Variants in TMOD1 observed in about 807,000 individuals in gnomAD.
The protein encoded by TMOD1 is tropomodulin-1.
In TMOD1, 17 loss-of-function variants were observed where a neutral mutation model predicts 40.6. That is an observed-to-expected ratio of 0.42 (90% CI 0.29 to 0.63). The LOEUF (loss-of-function observed/expected upper bound fraction) is 0.63. Among genes scored for constraint, TMOD1 ranks in the 20% least tolerant of loss-of-function variants. The pLI, the probability that TMOD1 is intolerant of heterozygous loss-of-function variation, is 0.22. For missense variants in TMOD1, 391 were observed against 447.6 expected (o/e 0.87, Z 1.14); for synonymous variants, 181 against 175.0 (o/e 1.03, Z -0.27).
chr9:97,522,983 G>A (rs990202898), intron 1 of TMOD1, among the ~76,000 whole-genome samples: 20 of 152,184 alleles, frequency 1.3e-4, no homozygotes, highest in African/African-American at 3.1e-4. Flanking sequence ...CTAGCTCAGC[G>A]GAGGCAGTGT....
intron 8 of TMOD1, among the ~76,000 whole-genome samples, chr9:97,577,033 A>C (rs539462923): frequency 6.6e-6 from 1 of 151,954 alleles, no homozygotes; most frequent in East Asian, 1.9e-4. Flanking sequence ...ATATCATATG[A>C]ATTGTTAATA....
At position 97,515,797 on chromosome 9, in the gene TMOD1, C is replaced by T. The variant is rs143456643; in HGVS notation, c.-48-8344C>T. On this transcript the variant is annotated intron_variant, in intron 1 of 9. Coordinates refer to ENST00000259365, the MANE Select transcript of TMOD1 (RefSeq NM_003275.4). ...CATTGGTGACTGAGAGAGCTCAGCC[C>T]TCTCAGTTCAGCTCTCTCCCTCTCC... Among the ~76,000 whole-genome samples the T allele has an allele frequency of 2.8e-3, 419 of 152,178 alleles. 1 individual carries two copies. Among genetic ancestry groups the T allele is most frequent in the African/African-American group, 9.5e-3 (396 of 41,506 alleles).
At chr9:97,523,116 C>A (rs994551130) in intron 1 of TMOD1, among the ~76,000 whole-genome samples, 14 of 152,024 alleles carry the variant, frequency 9.2e-5, no homozygotes, top group Admixed American at 6.5e-4. Flanking sequence ...CCAAGAAGAT[C>A]TTCAAGGTAT....
At chr9:97,523,696 G>A (rs779466605) in intron 1 of TMOD1, among the ~76,000 whole-genome samples, 5 of 151,670 alleles carry the variant, frequency 3.3e-5, no homozygotes, top group Non-Finnish European at 4.4e-5. Flanking sequence ...TAGGTGAGGG[G>A]CCTGTATGCA....
In TMOD1 at chr9:97,565,845, C is replaced by T; in HGVS notation, c.619-3C>T. The T allele has an allele frequency of 2.5e-6, 4 of 1,612,804 alleles. No individual in the cohort carries two copies. Among genetic ancestry groups the T allele is most frequent in the South Asian group, 2.2e-5 (2 of 90,992 alleles). ...ACTCTCTCTGTTGCCTTTCTTTGTG[C>T]AGAATATCCCCATCCCCACCCTCAA... is the stretch of plus-strand genomic sequence containing the variant. On this transcript the variant is annotated splice_polypyrimidine_tract_variant and splice_region_variant and intron_variant, in intron 6 of 9. Coordinates refer to ENST00000259365, the MANE Select transcript of TMOD1 (RefSeq NM_003275.4).
intron 1 of TMOD1, among the ~76,000 whole-genome samples, chr9:97,522,346 A>G (rs553328565): frequency 1.3e-5 from 2 of 152,220 alleles, no homozygotes; most frequent in South Asian, 2.1e-4. Flanking sequence ...AGTGTGCTAT[A>G]TCTGTGTCCA....
At chr9:97,569,474 C>A (rs1479281312) in intron 8 of TMOD1, among the ~76,000 whole-genome samples, 1 of 152,206 alleles carries the variant, frequency 6.6e-6, no homozygotes, top group Non-Finnish European at 1.5e-5. Context: ...TCTTCATTCA[C>A]CCCCATTCAA....
rs140698746 is a variant in TMOD1 at position 97,562,203 on chromosome 9, T to G, written c.398-529T>G. Among the ~76,000 whole-genome samples, 235 of 152,198 alleles carry G rather than the reference T, an allele frequency of 1.5e-3. 2 individuals carry two copies. Among genetic ancestry groups the G allele is most frequent in the African/African-American group, 5.6e-3 (233 of 41,518 alleles). On this transcript the variant is annotated intron_variant, in intron 4 of 9. Coordinates refer to ENST00000259365, the MANE Select transcript of TMOD1 (RefSeq NM_003275.4). ...TTTCCAGCTGCTTTGTGCTGCATGC[T>G]GGGAGGTAGAGGGAAGGAAGAGGCC... is the stretch of plus-strand genomic sequence containing the variant.
At chr9:97,541,031 A>T (rs949545088) in intron 2 of TMOD1, among the ~76,000 whole-genome samples, 1 of 152,076 alleles carries the variant, frequency 6.6e-6, no homozygotes, top group Non-Finnish European at 1.5e-5. Context: ...TATTATTGCC[A>T]TCCTGCTGGC....
intron 9 of TMOD1, among the ~76,000 whole-genome samples, chr9:97,597,111 C>CAGAT (rs1175176455): frequency 2.0e-5 from 3 of 152,172 alleles, no homozygotes; most frequent in African/African-American, 7.2e-5. Context: ...GTTCAAGCAG[C>CAGAT]AGATGGAGGT....
At chr9:97,532,530 A>C (rs1587925274) in intron 2 of TMOD1, among the ~76,000 whole-genome samples, 1 of 152,242 alleles carries the variant, frequency 6.6e-6, no homozygotes, top group Admixed American at 6.5e-5. Context: ...CATTTTAAAC[A>C]CATAGGAGAG....
At chr9:97,522,461 T>C (rs1463276014) in intron 1 of TMOD1, among the ~76,000 whole-genome samples, 1 of 152,218 alleles carries the variant, frequency 6.6e-6, no homozygotes, top group African/African-American at 2.4e-5. Flanking sequence ...GCAATGACCG[T>C]ATTTCCAGGT....
chr9:97,575,985 G>A (rs1248904977), intron 8 of TMOD1, among the ~76,000 whole-genome samples: 3 of 152,158 alleles, frequency 2.0e-5, no homozygotes, highest in Non-Finnish European at 4.4e-5. Context: ...TAGGAAGCCT[G>A]AGGAATACCC....
intron 2 of TMOD1, among the ~76,000 whole-genome samples, chr9:97,528,468 A>T (rs1830049649): frequency 6.6e-6 from 1 of 152,200 alleles, no homozygotes; most frequent in Non-Finnish European, 1.5e-5. Flanking sequence ...AGAGGATAGG[A>T]GATAATGGAG....
At chr9:97,503,566 C>T (rs546981951) in intron 1 of TMOD1, among the ~76,000 whole-genome samples, 2 of 152,242 alleles carry the variant, frequency 1.3e-5, no homozygotes, top group African/African-American at 4.8e-5. Context: ...GTCTTACAAA[C>T]CCGTGTTTTA....
intron 2 of TMOD1, among the ~76,000 whole-genome samples, chr9:97,525,297 C>T (rs147606029): frequency 1.8e-4 from 27 of 152,122 alleles, no homozygotes; most frequent in African/African-American, 6.3e-4. Flanking sequence ...ACAGTAAAGT[C>T]GGTATCAAAC....
At chr9:97,572,733 G>T (rs911325824) in intron 8 of TMOD1, among the ~76,000 whole-genome samples, 1 of 152,196 alleles carries the variant, frequency 6.6e-6, no homozygotes, top group Non-Finnish European at 1.5e-5. Context: ...ATAACCTGTG[G>T]CAGCAAGTCT....
At chr9:97,555,362 G>A (rs1006121057) in intron 4 of TMOD1, 18 of 1,231,992 alleles carry the variant, frequency 1.5e-5, no homozygotes, top group East Asian at 4.4e-5. Context: ...CTCCAATCAC[G>A]CTTCATGACG....
At chr9:97,521,077 C>T (rs1015673238) in intron 1 of TMOD1, among the ~76,000 whole-genome samples, 2 of 152,182 alleles carry the variant, frequency 1.3e-5, no homozygotes, top group Non-Finnish European at 2.9e-5. Context: ...TGATGTTCCC[C>T]AGAAGTGTTT....
Sources: allele counts gnomAD v4.1 joint callset (sites outside exome capture counted in the v4.1 genomes callset), GRCh38; gene constraint gnomAD v4.1.1; transcripts MANE v1.5; gene names NCBI Gene and HGNC (gene_info 2026-07-23, HGNC 2026-07-21).